The following NSD1 variants were observed in gnomAD, a reference collection of about 807,000 sequenced individuals.
The protein encoded by NSD1 is nuclear receptor binding SET domain protein 1.
NSD1 carries 26 observed loss-of-function variants against 242.7 expected under a neutral mutation model. The ratio of observed to expected loss-of-function variants is 0.11; its 90% confidence interval spans 0.08 to 0.15. The LOEUF (loss-of-function observed/expected upper bound fraction) is 0.15, where lower values mean the gene tolerates loss of function less well. Among genes scored for constraint, NSD1 ranks in the 10% least tolerant of loss-of-function variants. The probability of loss-of-function intolerance (pLI) is 1.00; values close to 1 mark genes in which losing one functional copy is unlikely to be tolerated. For synonymous variants in NSD1, 1,106 were observed against 1,178.1 expected, an observed-to-expected ratio of 0.94 and a Z score of 1.25; for missense variants, 2,495 against 3,272.8, an observed-to-expected ratio of 0.76 and a Z score of 5.80.
chr5:177,138,877 G>C (rs1756572281), intron 2 of NSD1, among the ~76,000 whole-genome samples: 1 of 150,410 alleles, frequency 6.6e-6, no homozygotes, highest in Admixed American at 6.6e-5. Flanking sequence ...GACCTCAGGT[G>C]ATCCACCCGC....
intron 14 of NSD1, chr5:177,264,666 A>G (rs1409014561): frequency 2.1e-6 from 1 of 478,112 alleles, no homozygotes; most frequent in African/African-American, 2.0e-5. Context: ...CCCAACAAAA[A>G]CAAATAAAAC....
At chr5:177,204,507 C>T (rs1762736398) in intron 4 of NSD1, among the ~76,000 whole-genome samples, 1 of 152,138 alleles carries the variant, frequency 6.6e-6, no homozygotes, top group East Asian at 1.9e-4. Flanking sequence ...GCGAGCACCA[C>T]CACGCCTGGC....
intron 5 of NSD1, among the ~76,000 whole-genome samples, chr5:177,218,333 G>A (rs960472227): frequency 6.6e-6 from 1 of 152,132 alleles, no homozygotes; most frequent in Admixed American, 6.5e-5. Flanking sequence ...ACAGGTGTGA[G>A]CCACCATACC....
At chr5:177,186,933 C>A (rs1434492958) in intron 2 of NSD1, among the ~76,000 whole-genome samples, 1 of 151,794 alleles carries the variant, frequency 6.6e-6, no homozygotes, top group South Asian at 2.1e-4. Flanking sequence ...AAAAACAAAC[C>A]AACAATCAAA....
intron 2 of NSD1, among the ~76,000 whole-genome samples, chr5:177,150,196 C>G (rs899145588): frequency 2.0e-5 from 3 of 151,652 alleles, no homozygotes; most frequent in Non-Finnish European, 2.9e-5. Context: ...TGCAATGGCA[C>G]GATCTCGGCT....
intron 3 of NSD1, among the ~76,000 whole-genome samples, chr5:177,199,229 T>G (rs1197112261): frequency 6.6e-6 from 1 of 152,240 alleles, no homozygotes; most frequent in Non-Finnish European, 1.5e-5. Context: ...ATGTTTAGCG[T>G]AGGCTAGGTG....
chr5:177,181,419 TTTTTTTGG>T (rs1760660911), intron 2 of NSD1, among the ~76,000 whole-genome samples: 1 of 133,028 alleles, frequency 7.5e-6, no homozygotes, highest in African/African-American at 3.4e-5. Flanking sequence ...ATTATGGGTT[TTTTTTTGG>T]TTTTTTTTTT....
chr5:177,224,671 G>A (rs549121517), intron 5 of NSD1, among the ~76,000 whole-genome samples: 2 of 149,318 alleles, frequency 1.3e-5, no homozygotes, highest in African/African-American at 5.0e-5. Flanking sequence ...TAATCTAGTT[G>A]CCCTTTTCCC....
rs1203321063 is a variant in NSD1, at chr5:177,295,361, C to T, written c.7993C>T (p.Leu2665Phe). ...GACATTGGCACAGACTTGCTGGTCT[C>T]TTGGAAGAGGGCAAGACCCCAAACC... The part of the protein sequence containing the change: ...TQTLAQTCWS[L>F]GRGQDPKPEQ... Residue 2665 changes from leucine to phenylalanine, a missense_variant, in exon 23 of 23, where the codon CTT (leucine) becomes TTT (phenylalanine). By Grantham distance (22) the Leu-to-Phe change is conservative. Coordinates refer to ENST00000439151, the MANE Select transcript of NSD1 (RefSeq NM_022455.5). This position sits in a 1 kb window ranked among gnomAD's most constrained non-coding sequence, Gnocchi z 4.3. 1 of 1,614,228 alleles carries T rather than the reference C, an allele frequency of 6.2e-7. No homozygotes were observed. Among genetic ancestry groups the T allele is most frequent in the South Asian group, 1.1e-5 (1 of 91,088 alleles).
chr5:177,200,093 GT>G (rs994107188), intron 3 of NSD1, among the ~76,000 whole-genome samples: 15 of 148,544 alleles, frequency 1.0e-4, no homozygotes, highest in Admixed American at 1.3e-4. Context: ...TAAATTTAAT[GT>G]TTTTTTTTTG....
At chr5:177,223,370 C>T (rs543625256) in intron 5 of NSD1, among the ~76,000 whole-genome samples, 11 of 152,138 alleles carry the variant, frequency 7.2e-5, no homozygotes, top group South Asian at 2.1e-4. Flanking sequence ...GTCAGAAGTT[C>T]GAGACCAGCC....
rs181224737 is a variant in NSD1 at position 177,297,879 on chromosome 5, G to T, written c.*2420G>T. 5.6e-5 allele frequency: 13 copies of T among 233,056 alleles called. No homozygotes were observed. The Admixed American group carries it at 7.3e-4, about 13-fold the overall frequency. The allele number at this position is 233,056 out of a possible 1,614,324, so 14.4% of individuals were successfully genotyped here. On this transcript the variant is annotated 3_prime_UTR_variant, in exon 23 of 23. Coordinates refer to ENST00000439151, the MANE Select transcript of NSD1 (RefSeq NM_022455.5). ...TTCTCCGCCATTCATTGGAGGCTTC[G>T]TTCCAGACCTGCCTGGGAAAACAGC...
intron 12 of NSD1, among the ~76,000 whole-genome samples, chr5:177,252,978 A>T (rs961392920): frequency 7.2e-5 from 11 of 152,064 alleles, no homozygotes; most frequent in African/African-American, 2.7e-4. Flanking sequence ...ACCTGGGCGT[A>T]TATGCTCTTA....
chr5:177,173,803 A>G (rs368187637), intron 2 of NSD1, among the ~76,000 whole-genome samples: 4 of 152,278 alleles, frequency 2.6e-5, no homozygotes, highest in East Asian at 1.9e-4. Context: ...AAAAAAGTTT[A>G]TCGACGTGTG....
Position 177,297,709 on chromosome 5 carries a change from G to A in NSD1, c.*2250G>A. 4.3e-6 allele frequency: 1 copy of A among 232,902 alleles called. No homozygotes were observed. The highest frequency in any genetic ancestry group is 8.5e-6 in the Non-Finnish European group (1 of 117,878). 14.4% of individuals were successfully genotyped at this position (232,902 alleles called of 1,614,324 possible). A position where few individuals can be genotyped will look rare whatever the true frequency, so the allele number is the denominator to read the frequency against. ...AGGCCATGTAAAAATTTTCCGTGGAGAAGTTTGATTCTAAAGTAGCTTCTC... is the reference window on the plus strand; with the variant it reads ...AGGCCATGTAAAAATTTTCCGTGGAAAAGTTTGATTCTAAAGTAGCTTCTC... On this transcript the variant is annotated 3_prime_UTR_variant, in exon 23 of 23. Coordinates refer to ENST00000439151, the MANE Select transcript of NSD1 (RefSeq NM_022455.5).
chr5:177,248,383 C>T, intron 11 of NSD1, 59 bp downstream of exon 11: 1 of 1,553,068 alleles, frequency 6.4e-7, no homozygotes, highest in Non-Finnish European at 8.8e-7. Flanking sequence ...AAGGGAAACC[C>T]ACTCCATCTC....
chr5:177,255,142 T>G (rs1756328998), intron 12 of NSD1, among the ~76,000 whole-genome samples: 1 of 152,120 alleles, frequency 6.6e-6, no homozygotes, highest in South Asian at 2.1e-4. Context: ...TTGTCTCTAC[T>G]GAAAATATAA....
In NSD1 at chr5:177,296,380, C is replaced by T. The variant is rs1760260329; in HGVS notation, c.*921C>T. Reference sequence around the variant, plus strand: ...GTTTCTACCTATTTTTCTCTTTGTACATGAATCCACCCCATCCCTATTTCC... The same window carrying T: ...GTTTCTACCTATTTTTCTCTTTGTATATGAATCCACCCCATCCCTATTTCC... On this transcript the variant is annotated 3_prime_UTR_variant, in exon 23 of 23. Coordinates refer to ENST00000439151, the MANE Select transcript of NSD1 (RefSeq NM_022455.5). 4.3e-6 allele frequency: 1 copy of T among 233,382 alleles called. No homozygotes were observed. The highest frequency in any genetic ancestry group is 2.2e-5 in the African/African-American group (1 of 45,478). 14.5% of individuals were successfully genotyped at this position (233,382 alleles called of 1,614,324 possible). A position where few individuals can be genotyped will look rare whatever the true frequency, so the allele number is the denominator to read the frequency against.
intron 17 of NSD1, among the ~76,000 whole-genome samples, chr5:177,277,128 A>ATTTTTT (rs201507053): frequency 1.5e-5 from 2 of 137,908 alleles, no homozygotes; most frequent in East Asian, 4.2e-4. Flanking sequence ...TCTTTACTCC[A>ATTTTTT]TTTTTTTTTT....
Sources: allele counts gnomAD v4.1 joint callset (sites outside exome capture counted in the v4.1 genomes callset), GRCh38; gene constraint gnomAD v4.1.1; non-coding constraint Gnocchi (gnomAD v3.1); transcripts MANE v1.5; gene names NCBI Gene and HGNC (gene_info 2026-07-23, HGNC 2026-07-21).